The following C8orf34 variants were observed in gnomAD, a reference collection of about 807,000 sequenced individuals.
C8orf34 encodes uncharacterized protein C8orf34.
In C8orf34, 65 loss-of-function variants were observed where a neutral mutation model predicts 68.3. The observed-to-expected ratio is 0.95, with a 90% CI of 0.78 to 1.17. C8orf34 has a LOEUF of 1.17. Among genes scored for constraint, C8orf34 ranks in the 50% most tolerant of loss-of-function variants. C8orf34 has a pLI of 0.00. For synonymous variants in C8orf34, 244 were observed against 241.2 expected (o/e 1.01, Z -0.11); for missense variants, 664 against 655.4 (o/e 1.01, Z -0.14).
intron 7 of C8orf34, among the ~76,000 whole-genome samples, chr8:68,591,577 C>T (rs1468526068): frequency 6.6e-6 from 1 of 152,182 alleles, no homozygotes; most frequent in Admixed American, 6.5e-5. Flanking sequence ...ATGTAACATA[C>T]TTTCTCTACA....
intron 7 of C8orf34, among the ~76,000 whole-genome samples, chr8:68,572,234 G>GACACACAC (rs36042681): frequency 1.2e-4 from 18 of 145,212 alleles, no homozygotes; most frequent in Admixed American, 1.2e-3. Flanking sequence ...TGACTGTATA[G>GACACACAC]ACACACACAC....
At chr8:68,693,817 T>C (rs1053031357) in intron 8 of C8orf34, among the ~76,000 whole-genome samples, 1 of 152,074 alleles carries the variant, frequency 6.6e-6, no homozygotes, top group Non-Finnish European at 1.5e-5. Context: ...TTGGACAGGT[T>C]GTTTAATCCT....
At chr8:68,722,723 A>AT (rs1187681190) in intron 10 of C8orf34, among the ~76,000 whole-genome samples, 3 of 151,754 alleles carry the variant, frequency 2.0e-5, no homozygotes, top group Non-Finnish European at 2.9e-5. Flanking sequence ...ATTTTTGTAC[A>AT]TTTTTTTCAC....
At chr8:68,465,416 A>G (rs7844510) in intron 3 of C8orf34, among the ~76,000 whole-genome samples, 61,722 of 146,146 alleles carry the variant, frequency 0.42, 13,317 homozygotes, top group East Asian at 0.56. Context: ...ATCTAGAACT[A>G]GAAATACCAT....
At chr8:68,471,619 G>A (rs1202169786) in intron 4 of C8orf34, among the ~76,000 whole-genome samples, 2 of 151,960 alleles carry the variant, frequency 1.3e-5, no homozygotes, top group Non-Finnish European at 2.9e-5. Context: ...TTAATTACTA[G>A]GAAGACATAG....
intron 11 of C8orf34, among the ~76,000 whole-genome samples, chr8:68,779,521 C>T (rs1416723786): frequency 6.6e-6 from 1 of 152,090 alleles, no homozygotes; most frequent in African/African-American, 2.4e-5. Flanking sequence ...AAGCACGAGA[C>T]AGGTCTTTTC....
At chr8:68,705,530 G>T (rs571919681) in intron 8 of C8orf34, among the ~76,000 whole-genome samples, 1 of 152,190 alleles carries the variant, frequency 6.6e-6, no homozygotes, top group East Asian at 1.9e-4. Flanking sequence ...GCAATTAGGA[G>T]GTCATACAGT....
At chr8:68,706,331 T>C (rs1370471341) in intron 8 of C8orf34, among the ~76,000 whole-genome samples, 1 of 152,122 alleles carries the variant, frequency 6.6e-6, no homozygotes, top group African/African-American at 2.4e-5. Context: ...CACTCCCTTA[T>C]ACCTAGGAGA....
intron 8 of C8orf34, among the ~76,000 whole-genome samples, chr8:68,707,524 A>G (rs573358709): frequency 3.9e-5 from 6 of 152,260 alleles, no homozygotes; most frequent in Non-Finnish European, 7.4e-5. Context: ...CTATTTTAAG[A>G]TCTTGCTTCT....
In C8orf34 at chr8:68,448,556, A is replaced by T. The variant is rs777390682; in HGVS notation, c.607+2096A>T. Among the ~76,000 whole-genome samples the T allele has an allele frequency of 1.8e-3, 273 of 152,282 alleles. 4 individuals are homozygous for T. Among genetic ancestry groups the T allele is most frequent in the Non-Finnish European group, 1.7e-3 (119 of 68,022 alleles). On this transcript the variant is annotated intron_variant, in intron 3 of 13. Transcript: ENST00000518698. ...GCACAAAATGCTCAAATTAAAAATT[A>T]GTAGACACATTAGAATAGGATGTGA...
intron 8 of C8orf34, among the ~76,000 whole-genome samples, chr8:68,673,559 A>T (rs1820086245): frequency 6.6e-6 from 1 of 152,078 alleles, no homozygotes; most frequent in Non-Finnish European, 1.5e-5. Context: ...TGCTTGTGAA[A>T]ACAGAAGAGA....
chr8:68,436,217 A>G (rs1001756406), intron 1 of C8orf34, among the ~76,000 whole-genome samples: 8 of 152,164 alleles, frequency 5.3e-5, no homozygotes, highest in African/African-American at 1.7e-4. Context: ...CCCTATCAAA[A>G]AAAAGAAAAG....
intron 7 of C8orf34, among the ~76,000 whole-genome samples, chr8:68,609,053 A>G (rs570667082): frequency 4.2e-4 from 64 of 152,276 alleles, no homozygotes; most frequent in Non-Finnish European, 5.3e-4. Flanking sequence ...ACTGGCCTGT[A>G]GTCTTAACTA....
intron 7 of C8orf34, among the ~76,000 whole-genome samples, chr8:68,563,658 A>T (rs1167948715): frequency 1.4e-5 from 2 of 143,786 alleles, no homozygotes; most frequent in Non-Finnish European, 3.1e-5. Flanking sequence ...AGTTAAGATT[A>T]AAAAAAAAAA....
intron 8 of C8orf34, among the ~76,000 whole-genome samples, chr8:68,694,399 T>C (rs988944254): frequency 6.6e-6 from 1 of 152,098 alleles, no homozygotes; most frequent in African/African-American, 2.4e-5. Context: ...TCATAGAAAT[T>C]GCCATGACAG....
In C8orf34 at chr8:68,794,474, TAAATATAA is replaced by T. The variant is rs1394102153; in HGVS notation, c.1549+6940_1549+6947del. Among the ~76,000 whole-genome samples, 21 of 111,264 alleles carry T rather than the reference TAAATATAA, an allele frequency of 1.9e-4. 3 individuals are homozygous for T. Among genetic ancestry groups the T allele is most frequent in the African/African-American group, 9.5e-4 (21 of 22,180 alleles). The allele number at this position is 111,264 out of a possible 152,430, so 73.0% of individuals were successfully genotyped here. On this transcript the variant is annotated intron_variant, in intron 12 of 13. Transcript: ENST00000518698. Reference sequence around the variant, plus strand: ...GGCATGAATCATTGTGCCCAGTATATAAATATAAATATATATATATATATATATATATT... The same window carrying T: ...GGCATGAATCATTGTGCCCAGTATATATATATATATATATATATATATATT...
At chr8:68,658,615 T>C (rs1388095097) in intron 8 of C8orf34, among the ~76,000 whole-genome samples, 2 of 152,208 alleles carry the variant, frequency 1.3e-5, no homozygotes, top group East Asian at 1.9e-4. Context: ...TTTCTCGACA[T>C]ATTCATTCTT....
intron 7 of C8orf34, among the ~76,000 whole-genome samples, chr8:68,618,070 T>G (rs1818279962): frequency 6.6e-6 from 1 of 152,142 alleles, no homozygotes; most frequent in South Asian, 2.1e-4. Context: ...CAATTTAAAA[T>G]TCATCTTCAA....
chr8:68,734,108 A>C (rs180977555), intron 10 of C8orf34, among the ~76,000 whole-genome samples: 44 of 152,282 alleles, frequency 2.9e-4, no homozygotes, highest in Admixed American at 1.9e-3. Flanking sequence ...AAGATCACCT[A>C]ATCGAAGAAG....
Sources: allele counts gnomAD v4.1 joint callset (sites outside exome capture counted in the v4.1 genomes callset), GRCh38; gene constraint gnomAD v4.1.1; transcripts MANE v1.5; gene names NCBI Gene and HGNC (gene_info 2026-07-23, HGNC 2026-07-21).